POU2F2: variants seen among roughly 807,000 people sequenced by gnomAD.
POU2F2 encodes the protein POU domain, class 2, transcription factor 2.
A neutral mutation model predicts 63.5 loss-of-function variants in POU2F2; 14 were observed. That is an observed-to-expected ratio of 0.22 (90% CI 0.15 to 0.34). The LOEUF (loss-of-function observed/expected upper bound fraction) is 0.34. POU2F2 is among the 10% of genes least tolerant of loss of function. The probability of loss-of-function intolerance (pLI) is 1.00; values close to 1 mark genes in which losing one functional copy is unlikely to be tolerated. For synonymous variants in POU2F2, 306 were observed against 348.6 expected (o/e 0.88, Z 1.36); for missense variants, 607 against 815.2 (o/e 0.74, Z 3.11).
At chr19:42,093,011 T>A (rs868274088) in intron 12 of POU2F2, among the ~76,000 whole-genome samples, 1,441 of 92,056 alleles carry the variant, frequency 0.016, 7 homozygotes, top group Middle Eastern at 0.03. Flanking sequence ...ATATATATAT[T>A]TTTTTTTTTT....
intron 1 of POU2F2, among the ~76,000 whole-genome samples, chr19:42,164,014 G>A (rs759492510): frequency 2.0e-5 from 3 of 152,090 alleles, no homozygotes; most frequent in Non-Finnish European, 2.9e-5. Context: ...ATATCATCCC[G>A]TTTTTACAAA....
rs2076758440 is a variant in POU2F2, at chr19:42,092,460, A to G, written c.1265-190T>C. Among the ~76,000 whole-genome samples the G allele has an allele frequency of 6.6e-6, 1 of 152,202 alleles. No homozygotes were observed. The highest frequency in any genetic ancestry group is 2.4e-5 in the African/African-American group (1 of 41,446). ...TGCCTCTGCCATGGTGACCCCTGTCATAACAATGGAAGTCAGAGCAGGTGC... is the reference window on the plus strand; with the variant it reads ...TGCCTCTGCCATGGTGACCCCTGTCGTAACAATGGAAGTCAGAGCAGGTGC... On this transcript the variant is annotated intron_variant, in intron 12 of 14. Coordinates refer to ENST00000692977, the MANE Select transcript of POU2F2 (RefSeq NM_001394376.1). This position sits in a 1 kb window ranked among gnomAD's most constrained non-coding sequence, Gnocchi z 5.0.
At chr19:42,177,518 G>A (rs1225424861), upstream of POU2F2, among the ~76,000 whole-genome samples, 2 of 151,510 alleles carry the variant, frequency 1.3e-5, no homozygotes, top group East Asian at 3.9e-4. Context: ...GACACAGAGA[G>A]ACACAGAGAC....
chr19:42,197,385 C>T (rs182561379), upstream of POU2F2, among the ~76,000 whole-genome samples: 256 of 152,282 alleles, frequency 1.7e-3, no homozygotes, highest in Middle Eastern at 3.4e-3. Flanking sequence ...AACCTGGGAT[C>T]ACACAGCAGC....
rs1220493391 is a variant in POU2F2, at chr19:42,155,548, T to C, written c.-9+4784A>G. Among the ~76,000 whole-genome samples, 2 of 152,180 alleles carry C rather than the reference T, an allele frequency of 1.3e-5. No individual in the cohort carries two copies. Among genetic ancestry groups the C allele is most frequent in the East Asian group, 1.9e-4 (1 of 5,186 alleles). On this transcript the variant is annotated intron_variant, in intron 2 of 6. Coordinates refer to the POU2F2 transcript ENST00000524801. The surrounding 1 kb of genome is among the most constrained non-coding windows in gnomAD (Gnocchi z 4.2). ...TACATAGGAGACTGAGGCAGGAGGATTGCTTGAAAGTTTGAGAAAAGCAAG... is the reference window on the plus strand; with the variant it reads ...TACATAGGAGACTGAGGCAGGAGGACTGCTTGAAAGTTTGAGAAAAGCAAG...
intron 1 of POU2F2, among the ~76,000 whole-genome samples, chr19:42,190,007 G>A (rs1015068048): frequency 1.3e-5 from 2 of 152,172 alleles, no homozygotes; most frequent in African/African-American, 4.8e-5. Context: ...GATTACAGGC[G>A]TAAGCCGCTG....
At chr19:42,164,291 CAAAA>C (rs542411101) in intron 1 of POU2F2, among the ~76,000 whole-genome samples, 1 of 88,140 alleles carries the variant, frequency 1.1e-5, no homozygotes. Flanking sequence ...CATTCTGTCT[CAAAA>C]AAAAAAAAAA....
At chr19:42,102,235 T>C (rs1403704401) in intron 5 of POU2F2, among the ~76,000 whole-genome samples, 1 of 152,170 alleles carries the variant, frequency 6.6e-6, no homozygotes, top group Non-Finnish European at 1.5e-5. Context: ...TGCCACAACG[T>C]AGACTTCCCA....
chr19:42,118,680 C>G (rs921060964), intron 4 of POU2F2, among the ~76,000 whole-genome samples: 1 of 152,226 alleles, frequency 6.6e-6, no homozygotes, highest in African/African-American at 2.4e-5. Flanking sequence ...AGGTAAAAAG[C>G]CAGACAACAG....
At chr19:42,093,002 TATA>T (rs1207189248) in intron 12 of POU2F2, among the ~76,000 whole-genome samples, 6 of 96,100 alleles carry the variant, frequency 6.2e-5, no homozygotes, top group Non-Finnish European at 1.3e-4. Flanking sequence ...TATATATATA[TATA>T]TATATTTTTT....
intron 5 of POU2F2, 128 bp from the exon 6 acceptor site, chr19:42,099,949 G>A (rs2077067670): frequency 2.8e-6 from 2 of 719,754 alleles, no homozygotes; most frequent in Admixed American, 4.4e-5. Flanking sequence ...GCACTGGGCA[G>A]TGAGGGATCG....
intron 5 of POU2F2, among the ~76,000 whole-genome samples, chr19:42,106,899 G>A (rs1298229695): frequency 6.6e-6 from 1 of 152,022 alleles, no homozygotes; most frequent in Non-Finnish European, 1.5e-5. Context: ...GGTGGTGCAT[G>A]CCTGTGGTCC....
upstream of POU2F2, among the ~76,000 whole-genome samples, chr19:42,135,334 C>T (rs2033982957): frequency 6.6e-6 from 1 of 152,082 alleles, no homozygotes; most frequent in Non-Finnish European, 1.5e-5. Context: ...TCTGCCCAGT[C>T]CCCTTGCTGC....
At chr19:42,143,928 AC>A (rs1257292179) in intron 2 of POU2F2, among the ~76,000 whole-genome samples, 1 of 151,998 alleles carries the variant, frequency 6.6e-6, no homozygotes, top group Non-Finnish European at 1.5e-5. Context: ...TTCTTCTAGC[AC>A]TTTTTGCTGT....
Position 42,099,534 on chromosome 19 carries a change from G to C in POU2F2, c.560C>G (p.Pro187Arg). 1 of 1,612,040 alleles carries C rather than the reference G, an allele frequency of 6.2e-7. No homozygotes were observed. Among genetic ancestry groups the C allele is most frequent in the Non-Finnish European group, 8.5e-7 (1 of 1,178,068 alleles). Reference sequence around the variant, plus strand: ...CTCAATGGACAGTCTCACCTGTGTGGGAAGCCCGGCCCGGGGCTGGGAGGT... The same window carrying C: ...CTCAATGGACAGTCTCACCTGTGTGCGAAGCCCGGCCCGGGGCTGGGAGGT... ...LLTSQPRAGL[P>R]TQAVTRPTLP... Residue 187 changes from proline to arginine, a missense_variant, in exon 7 of 15, where the codon CCC becomes CGC. This residue lies in a region of POU2F2 where 224 missense variants were observed against 264.3 expected (regional missense o/e 0.85). Coordinates refer to ENST00000692977, the MANE Select transcript of POU2F2 (RefSeq NM_001394376.1).
Position 42,096,347 on chromosome 19 carries a change from T to C in POU2F2, c.568-104A>G. The C allele has an allele frequency of 1.6e-6, 2 of 1,234,818 alleles. No homozygotes were observed. Among genetic ancestry groups the C allele is most frequent in the Non-Finnish European group, 1.1e-6 (1 of 914,324 alleles). 76.5% of individuals were successfully genotyped at this position (1,234,818 alleles called of 1,614,324 possible). On this transcript the variant is annotated intron_variant, in intron 7 of 14. Coordinates refer to ENST00000692977, the MANE Select transcript of POU2F2 (RefSeq NM_001394376.1). The surrounding 1 kb of genome is among the most constrained non-coding windows in gnomAD (Gnocchi z 4.1). ...CCGCCCTCTTCGCCCCTGCGTTCCA[T>C]CCGCCGCCTGCAGACTCCCCCCGCC...
chr19:42,105,235 G>A (rs540152302), intron 5 of POU2F2, among the ~76,000 whole-genome samples: 2 of 152,070 alleles, frequency 1.3e-5, no homozygotes, highest in Non-Finnish European at 2.9e-5. Context: ...CCCACAAAAC[G>A]AGACCCACCT....
Position 42,117,049 on chromosome 19 carries a change from A to G in POU2F2, c.369+201T>C. 1.5e-6 allele frequency: 1 copy of G among 664,302 alleles called. No homozygotes were observed. Among genetic ancestry groups the G allele is most frequent in the Middle Eastern group, 3.2e-4 (1 of 3,174 alleles). The allele number at this position is 664,302 out of a possible 1,614,324, so 41.2% of individuals were successfully genotyped here. On this transcript the variant is annotated intron_variant, in intron 5 of 14. Coordinates refer to ENST00000692977, the MANE Select transcript of POU2F2 (RefSeq NM_001394376.1). This position sits in a 1 kb window ranked among gnomAD's most constrained non-coding sequence, Gnocchi z 4.4. ...AGCAGGAATTGGAGCAAGGGGTTGA[A>G]GAGGAGCAGAGAAGGCAGAGAGGGG...
chr19:42,194,158 G>A lies in POU2F2; in HGVS notation c.-70+2225C>T, dbSNP rs192808581. On this transcript the variant is annotated intron_variant, in intron 1 of 5. Transcript: ENST00000532176. ...TCCCAGCACTTTAGGAGGCTGAGGC[G>A]GATCGCTTGAGCCCAGGAGTTCAAG... 3.5e-3 allele frequency among the ~76,000 whole-genome samples: 517 copies of A among 149,748 alleles called. 5 individuals are homozygous for A. Among genetic ancestry groups the A allele is most frequent in the African/African-American group, 0.012 (491 of 40,764 alleles).
Sources: gnomAD v4.1 joint callset for allele counts (sites outside exome capture counted in the v4.1 genomes callset) on GRCh38, gnomAD v4.1.1 for gene constraint, gnomAD v4.1.1 regional missense constraint, Gnocchi (gnomAD v3.1) non-coding constraint, MANE v1.5 for transcripts, NCBI Gene and HGNC (gene_info 2026-07-23, HGNC 2026-07-21) for gene names.